Variants in LMBRD1 observed in about 807,000 individuals in gnomAD.
LMBRD1 encodes lysosomal cobalamin transport escort protein LMBD1.
Under a neutral mutation model 74.8 loss-of-function variants are expected in LMBRD1, and 64 were observed. The ratio of observed to expected loss-of-function variants is 0.86; its 90% CI spans 0.70 to 1.05. The LOEUF is 1.05. LMBRD1 is among the 50% of genes least tolerant of loss of function. The pLI is 0.00. For missense variants in LMBRD1, 652 were observed against 645.9 expected, an observed-to-expected ratio of 1.01 and a Z score of -0.10; for synonymous variants, 204 against 216.3, an observed-to-expected ratio of 0.94 and a Z score of 0.50.
intron 3 of LMBRD1, among the ~76,000 whole-genome samples, chr6:69,768,615 GA>G (rs1765518272): frequency 6.6e-6 from 1 of 151,740 alleles, no homozygotes; most frequent in African/African-American, 2.4e-5. Flanking sequence ...ACAAAGATAA[GA>G]AAAGGAGAAA....
At chr6:69,718,813 A>G in intron 8 of LMBRD1, 143 bp downstream of exon 8, 1 of 782,350 alleles carries the variant, frequency 1.3e-6, no homozygotes, top group Non-Finnish European at 2.1e-6. Flanking sequence ...AAGTGAGGAC[A>G]CAGTCAAACT....
intron 7 of LMBRD1, among the ~76,000 whole-genome samples, chr6:69,719,307 TTGCAAATTTAC>T (rs990489774): frequency 6.6e-6 from 1 of 152,142 alleles, no homozygotes; most frequent in African/African-American, 2.4e-5. Context: ...AAAGGTTAAG[TTGCAAATTTAC>T]TGTAAATTTA....
intron 7 of LMBRD1, among the ~76,000 whole-genome samples, chr6:69,730,253 A>C (rs1247307967): frequency 3.9e-5 from 6 of 152,032 alleles, no homozygotes; most frequent in Admixed American, 2.0e-4. Flanking sequence ...TTCTTTACAT[A>C]TCTCTCTCCT....
At chr6:69,683,633 T>C (rs1169398481) in intron 14 of LMBRD1, among the ~76,000 whole-genome samples, 1 of 152,018 alleles carries the variant, frequency 6.6e-6, no homozygotes, top group Non-Finnish European at 1.5e-5. Flanking sequence ...AGATTAGAAA[T>C]GTATAGTATT....
intron 14 of LMBRD1, among the ~76,000 whole-genome samples, chr6:69,692,117 T>G (rs114421829): frequency 0.015 from 2,291 of 152,296 alleles, 64 homozygotes; most frequent in African/African-American, 0.052. Context: ...CTTTAGCTTT[T>G]AATTTTGTCT....
At chr6:69,777,102 T>A (rs1224719041) in intron 3 of LMBRD1, among the ~76,000 whole-genome samples, 2 of 151,890 alleles carry the variant, frequency 1.3e-5, no homozygotes, top group Admixed American at 6.6e-5. Flanking sequence ...GAGCCAAAAT[T>A]GTGCCACTGC....
intron 8 of LMBRD1, among the ~76,000 whole-genome samples, chr6:69,715,534 A>T (rs1481480453): frequency 1.3e-5 from 2 of 152,168 alleles, no homozygotes; most frequent in Non-Finnish European, 2.9e-5. Context: ...GTTAAAATGT[A>T]GTTAAAGGGA....
intron 3 of LMBRD1, among the ~76,000 whole-genome samples, chr6:69,762,894 A>G (rs567060225): frequency 7.7e-4 from 117 of 152,274 alleles, no homozygotes; most frequent in African/African-American, 2.7e-3. Flanking sequence ...TAGCTTCCAG[A>G]ATTGTGAGAA....
chr6:69,779,258 TCA>T (rs1765775484), intron 3 of LMBRD1, among the ~76,000 whole-genome samples: 1 of 152,124 alleles, frequency 6.6e-6, no homozygotes, highest in Admixed American at 6.6e-5. Flanking sequence ...TAGATTTTTT[TCA>T]GTTTCCCATT....
At chr6:69,721,952 C>T (rs1316933551) in intron 7 of LMBRD1, among the ~76,000 whole-genome samples, 1 of 152,180 alleles carries the variant, frequency 6.6e-6, no homozygotes, top group African/African-American at 2.4e-5. Context: ...TCGATGGTGG[C>T]CACAGGGAGA....
At chr6:69,788,922 T>C (rs1416464510) in intron 2 of LMBRD1, among the ~76,000 whole-genome samples, 1 of 152,206 alleles carries the variant, frequency 6.6e-6, no homozygotes, top group East Asian at 1.9e-4. Flanking sequence ...TTCACCTCTT[T>C]GAACCTTGAT....
chr6:69,689,182 T>C (rs1462636128), intron 14 of LMBRD1, among the ~76,000 whole-genome samples: 2 of 152,060 alleles, frequency 1.3e-5, no homozygotes, highest in African/African-American at 2.4e-5. Flanking sequence ...AATCTAAGAA[T>C]GGAGATTTCA....
At chr6:69,782,904 G>A (rs766614946) in intron 2 of LMBRD1, among the ~76,000 whole-genome samples, 3 of 152,062 alleles carry the variant, frequency 2.0e-5, no homozygotes, top group Non-Finnish European at 4.4e-5. Context: ...GTGTAGGGTC[G>A]TTTAAAATAT....
At chr6:69,731,222 G>T (rs1010743436) in intron 7 of LMBRD1, among the ~76,000 whole-genome samples, 1 of 152,050 alleles carries the variant, frequency 6.6e-6, no homozygotes, top group Non-Finnish European at 1.5e-5. Context: ...CAGTTAAATA[G>T]ACAAAATACA....
intron 9 of LMBRD1, 150 bp downstream of exon 9, chr6:69,713,495 A>G (rs1276752259): frequency 1.4e-6 from 1 of 733,394 alleles, no homozygotes; most frequent in Admixed American, 2.7e-5. Context: ...CAAACTACCA[A>G]AGAGAGCTGT....
In LMBRD1 at chr6:69,775,033, G is replaced by GGGAA. The variant is rs1562121924; in HGVS notation, c.307+5457_307+5460dup. On this transcript the variant is annotated intron_variant, in intron 3 of 15. Transcript: ENST00000649934. The stretch of plus-strand genomic sequence containing the variant: ...AGGGAGGGAGGGAGGGAGGGAGGGA[G>GGGAA]GGAAGGAAGGAAAAGATGAAGAACT... 8.5e-3 allele frequency among the ~76,000 whole-genome samples: 685 copies of GGGAA among 80,954 alleles called. 106 individuals are homozygous for GGGAA. The highest frequency in any genetic ancestry group is 0.019 in the East Asian group (55 of 2,964). The allele number at this position is 80,954 out of a possible 152,430, so 53.1% of individuals were successfully genotyped here.
At chr6:69,712,834 T>C (rs990767552) in intron 9 of LMBRD1, among the ~76,000 whole-genome samples, 2 of 152,088 alleles carry the variant, frequency 1.3e-5, no homozygotes, top group South Asian at 2.1e-4. Context: ...GTGGTACATA[T>C]AAAATCTTAG....
intron 14 of LMBRD1, among the ~76,000 whole-genome samples, chr6:69,689,839 CTGCAATGATA>C (rs1035936519): frequency 6.6e-6 from 1 of 152,032 alleles, no homozygotes; most frequent in Non-Finnish European, 1.5e-5. Flanking sequence ...ATCTGGTACT[CTGCAATGATA>C]TGCTGGAGTA....
intron 7 of LMBRD1, among the ~76,000 whole-genome samples, chr6:69,724,520 T>C (rs1297019319): frequency 7.1e-6 from 1 of 140,318 alleles, no homozygotes; most frequent in Admixed American, 6.9e-5. Context: ...TGTTGAACCA[T>C]CCCTTGCACC....
Sources: allele counts gnomAD v4.1 joint callset (sites outside exome capture counted in the v4.1 genomes callset), GRCh38; gene constraint gnomAD v4.1.1; transcripts MANE v1.5; gene names NCBI Gene and HGNC (gene_info 2026-07-23, HGNC 2026-07-21).